The following GRM1 variants were observed in gnomAD, a reference collection of about 807,000 sequenced individuals.
GRM1 encodes metabotropic glutamate receptor 1.
GRM1 carries 33 observed loss-of-function variants against 90.9 expected under a neutral mutation model. The observed-to-expected ratio is 0.36, with a 90% CI of 0.28 to 0.49. The LOEUF is 0.49. Among genes scored for constraint, GRM1 ranks in the 20% least tolerant of loss-of-function variants. The pLI is 0.99. For synonymous variants in GRM1, 700 were observed against 613.2 expected (o/e 1.14, Z -2.09); for missense variants, 1,190 against 1,534.3 (o/e 0.78, Z 3.75).
At chr6:146,363,231 T>C (rs1775558246) in intron 5 of GRM1, among the ~76,000 whole-genome samples, 1 of 152,210 alleles carries the variant, frequency 6.6e-6, no homozygotes, top group Non-Finnish European at 1.5e-5. Context: ...TGTTCGGTCA[T>C]GTCTCTTCAA....
At chr6:146,350,579 G>A (rs1785370497) in intron 3 of GRM1, among the ~76,000 whole-genome samples, 1 of 152,104 alleles carries the variant, frequency 6.6e-6, no homozygotes, top group African/African-American at 2.4e-5. Flanking sequence ...TTATCAGGCA[G>A]ATGGCACAAA....
At chr6:146,243,650 C>G (rs757961388) in intron 2 of GRM1, among the ~76,000 whole-genome samples, 3 of 152,038 alleles carry the variant, frequency 2.0e-5, no homozygotes, top group African/African-American at 7.2e-5. Context: ...AGGGCGAGAT[C>G]ACAGGACTGG....
intron 1 of GRM1, among the ~76,000 whole-genome samples, chr6:146,085,917 T>C (rs2128865382): frequency 6.6e-6 from 1 of 152,284 alleles, no homozygotes; most frequent in South Asian, 2.1e-4. Context: ...TGCTGAAAGT[T>C]CATGGAATTT....
intron 1 of GRM1, among the ~76,000 whole-genome samples, chr6:146,085,187 C>T (rs1776498366): frequency 1.3e-5 from 2 of 151,980 alleles, no homozygotes; most frequent in African/African-American, 4.8e-5. Flanking sequence ...GATATAACTA[C>T]ATAACAATAA....
At chr6:146,348,181 C>T (rs1038269882) in intron 3 of GRM1, among the ~76,000 whole-genome samples, 4 of 152,104 alleles carry the variant, frequency 2.6e-5, no homozygotes, top group Non-Finnish European at 4.4e-5. Flanking sequence ...GGCACTAAAC[C>T]CCAGGAAGCC....
chr6:146,369,776 G>A lies in GRM1; in HGVS notation c.1602+12082G>A, dbSNP rs9376989. Reference sequence around the variant, plus strand: ...CCAGAGAATGTTAGATGTACTGCTCGTAAGAAGAATATGCACTCTGTAGCA... The same window carrying A: ...CCAGAGAATGTTAGATGTACTGCTCATAAGAAGAATATGCACTCTGTAGCA... On this transcript the variant is annotated intron_variant, in intron 5 of 7. Transcript: ENST00000282753. Among the ~76,000 whole-genome samples, 1,941 of 151,994 alleles carry A rather than the reference G, an allele frequency of 0.013. 78 individuals carry two copies. The East Asian group carries it at 0.15, about 12-fold the overall frequency.
chr6:146,354,645 T>C (rs566350778), intron 4 of GRM1, among the ~76,000 whole-genome samples: 1 of 152,320 alleles, frequency 6.6e-6, no homozygotes, highest in Admixed American at 6.5e-5. Flanking sequence ...AATCTCCCTG[T>C]ACTTCCTCCT....
intron 3 of GRM1, among the ~76,000 whole-genome samples, chr6:146,331,826 G>T (rs1784598431): frequency 6.6e-6 from 1 of 152,120 alleles, no homozygotes; most frequent in Non-Finnish European, 1.5e-5. Flanking sequence ...CTTGTGTTAA[G>T]TAGCACTAAA....
chr6:146,057,502 T>C (rs1775520916), intron 1 of GRM1, among the ~76,000 whole-genome samples: 1 of 152,118 alleles, frequency 6.6e-6, no homozygotes, highest in African/African-American at 2.4e-5. Context: ...GTTGAGAGGA[T>C]CACAAGAAAG....
chr6:146,151,803 A>G (rs1243007063), intron 1 of GRM1, among the ~76,000 whole-genome samples: 2 of 152,132 alleles, frequency 1.3e-5, no homozygotes, highest in Admixed American at 1.3e-4. Context: ...AATCATGTCC[A>G]CTTCTATTAT....
At chr6:146,077,180 T>C (rs1776214811) in intron 1 of GRM1, among the ~76,000 whole-genome samples, 1 of 152,220 alleles carries the variant, frequency 6.6e-6, no homozygotes, top group East Asian at 1.9e-4. Flanking sequence ...ACAAAAATAT[T>C]TGGGGCCTGA....
chr6:146,432,790 A>G (rs1778461419), intron 7 of GRM1, among the ~76,000 whole-genome samples: 1 of 152,270 alleles, frequency 6.6e-6, no homozygotes, highest in Non-Finnish European at 1.5e-5. Flanking sequence ...AGCTGAGTCC[A>G]GAAGTGAGAT....
chr6:146,057,028 G>A (rs962630721), intron 1 of GRM1, among the ~76,000 whole-genome samples: 1 of 152,062 alleles, frequency 6.6e-6, no homozygotes, highest in East Asian at 1.9e-4. Context: ...CCTTGCTTGT[G>A]GTATCCTAGT....
intron 6 of GRM1, among the ~76,000 whole-genome samples, chr6:146,397,230 C>T (rs1239135537): frequency 2.6e-5 from 4 of 151,788 alleles, no homozygotes; most frequent in African/African-American, 9.7e-5. Context: ...TGCCTGTAGT[C>T]CCAGCACTTT....
intron 2 of GRM1, among the ~76,000 whole-genome samples, chr6:146,292,017 A>G (rs188912406): frequency 2.6e-5 from 4 of 152,098 alleles, no homozygotes; most frequent in Admixed American, 6.5e-5. Flanking sequence ...AATAAACCCA[A>G]ATTATTTTCA....
chr6:146,419,203 G>A lies in GRM1; in HGVS notation c.2661-14669G>A, dbSNP rs190829499. On this transcript the variant is annotated intron_variant, in intron 7 of 7. Coordinates refer to ENST00000282753, the MANE Select transcript of GRM1 (RefSeq NM_001278064.2). ...CCTAAACATTATCAAAGAAACAGAC[G>A]GAAGAAAAATATTAAGATATCATTT... Among the ~76,000 whole-genome samples the A allele has an allele frequency of 8.5e-5, 13 of 152,128 alleles. No homozygotes were observed. The East Asian group carries it at 1.7e-3, about 20-fold the overall frequency.
At chr6:146,359,090 C>T (rs961660367) in intron 5 of GRM1, among the ~76,000 whole-genome samples, 1 of 152,100 alleles carries the variant, frequency 6.6e-6, no homozygotes, top group African/African-American at 2.4e-5. Context: ...ATTCAGGAGA[C>T]ATGGAGACAC....
At chr6:146,324,696 C>G (rs148301081) in intron 3 of GRM1, among the ~76,000 whole-genome samples, 1 of 152,034 alleles carries the variant, frequency 6.6e-6, no homozygotes, top group Non-Finnish European at 1.5e-5. Context: ...TGACCCTTTG[C>G]GCTTCCCAGG....
chr6:146,181,215 TG>T (rs1228307304), intron 2 of GRM1, among the ~76,000 whole-genome samples: 3 of 151,008 alleles, frequency 2.0e-5, no homozygotes, highest in Non-Finnish European at 4.4e-5. Flanking sequence ...AAACTTGAAA[TG>T]TTCACACATA....
Sources: allele counts gnomAD v4.1 joint callset (sites outside exome capture counted in the v4.1 genomes callset), GRCh38; gene constraint gnomAD v4.1.1; transcripts MANE v1.5; gene names NCBI Gene and HGNC (gene_info 2026-07-23, HGNC 2026-07-21).